The following BCAR3 variants were observed in gnomAD, a reference collection of about 807,000 sequenced individuals.
BCAR3 encodes BCAR3 adaptor protein, NSP family member.
BCAR3 carries 37 observed loss-of-function variants against 80.1 expected under a neutral mutation model. The ratio of observed to expected loss-of-function variants is 0.46; its 90% CI spans 0.36 to 0.61. The LOEUF (loss-of-function observed/expected upper bound fraction) is 0.61. Ranked by LOEUF, BCAR3 falls within the 20% of genes least tolerant of loss-of-function variation. The pLI is 0.00. For synonymous variants in BCAR3, 389 were observed against 418.9 expected, an observed-to-expected ratio of 0.93 and a Z score of 0.87; for missense variants, 978 against 1,068.2, an observed-to-expected ratio of 0.92 and a Z score of 1.18.
intron 1 of BCAR3, among the ~76,000 whole-genome samples, chr1:93,676,439 G>A (rs1648492758): frequency 6.6e-6 from 1 of 152,224 alleles, no homozygotes; most frequent in Admixed American, 6.5e-5. Flanking sequence ...TACTGAAGGT[G>A]TACAATCTTA....
chr1:93,839,297 A>G (rs1174739968), intron 2 of BCAR3, among the ~76,000 whole-genome samples: 1 of 152,228 alleles, frequency 6.6e-6, no homozygotes. Flanking sequence ...AAAAGAAAAT[A>G]AAAAGAAAAA....
chr1:93,652,883 C>G (rs774372057), intron 2 of BCAR3, among the ~76,000 whole-genome samples: 1 of 152,218 alleles, frequency 6.6e-6, no homozygotes, highest in Non-Finnish European at 1.5e-5. Flanking sequence ...CTGGTTAAAT[C>G]ATTCTTTCCA....
intron 2 of BCAR3, among the ~76,000 whole-genome samples, chr1:93,673,666 C>A (rs1185002134): frequency 6.6e-6 from 1 of 152,236 alleles, no homozygotes; most frequent in African/African-American, 2.4e-5. Context: ...AGGCCCATTA[C>A]AAACCCAGAG....
chr1:93,659,689 C>T (rs139162855), intron 2 of BCAR3, among the ~76,000 whole-genome samples: 1,539 of 152,002 alleles, frequency 0.01, 25 homozygotes, highest in African/African-American at 0.034. Flanking sequence ...AGGTCTTGCC[C>T]AACTCACCAG....
At position 93,690,968 on chromosome 1, in the gene BCAR3, A is replaced by T. The variant is rs867093364; in HGVS notation, c.-12+15124T>A. On this transcript the variant is annotated intron_variant, in intron 3 of 13. Transcript: ENST00000370244. ...AAAAAGTAGAAAATGCTAAATTAAC[A>T]CTTCTGTTTCACAGTTTTGCCTAAA... Among the ~76,000 whole-genome samples, 3 of 152,194 alleles carry T rather than the reference A, an allele frequency of 2.0e-5. No individual in the cohort carries two copies. In the South Asian group the frequency reaches 6.2e-4, roughly 32 times the overall value.
At chr1:93,570,242 G>A (rs997488750) in intron 9 of BCAR3, among the ~76,000 whole-genome samples, 14 of 152,114 alleles carry the variant, frequency 9.2e-5, no homozygotes, top group Non-Finnish European at 1.6e-4. Context: ...TCTGACTTGC[G>A]GGACATGTGA....
At chr1:93,581,165 A>G (rs1673692202) in intron 7 of BCAR3, among the ~76,000 whole-genome samples, 1 of 149,402 alleles carries the variant, frequency 6.7e-6, no homozygotes, top group Non-Finnish European at 1.5e-5. Flanking sequence ...CTGTCTCAGA[A>G]AAAAAAAAAA....
chr1:93,788,671 G>C (rs1653033636), intron 2 of BCAR3, among the ~76,000 whole-genome samples: 1 of 152,218 alleles, frequency 6.6e-6, no homozygotes, highest in Admixed American at 6.5e-5. Flanking sequence ...TTTCTGCTGA[G>C]AAATCTGCTG....
intron 3 of BCAR3, among the ~76,000 whole-genome samples, chr1:93,596,112 A>C (rs1674410365): frequency 6.6e-6 from 1 of 152,180 alleles, no homozygotes; most frequent in African/African-American, 2.4e-5. Context: ...CCTCTAATTG[A>C]TCTAAGTTCT....
chr1:93,668,196 T>C (rs1418253167), intron 2 of BCAR3, among the ~76,000 whole-genome samples: 1 of 152,320 alleles, frequency 6.6e-6, no homozygotes, highest in South Asian at 2.1e-4. Flanking sequence ...AAGGACTGCA[T>C]TGTGTAATTC....
intron 3 of BCAR3, among the ~76,000 whole-genome samples, chr1:93,627,871 T>C (rs1043123094): frequency 1.2e-4 from 19 of 152,332 alleles, no homozygotes; most frequent in Middle Eastern, 3.4e-3. Flanking sequence ...TACATAATTT[T>C]GATTGAGCCA....
intron 2 of BCAR3, among the ~76,000 whole-genome samples, chr1:93,786,514 T>G (rs1652952964): frequency 6.6e-6 from 1 of 152,154 alleles, no homozygotes; most frequent in Non-Finnish European, 1.5e-5. Flanking sequence ...AATTACAGAT[T>G]CATAATCAAA....
chr1:93,623,388 G>C (rs894339464), intron 3 of BCAR3, among the ~76,000 whole-genome samples: 3 of 152,120 alleles, frequency 2.0e-5, no homozygotes, highest in African/African-American at 7.2e-5. Context: ...ATGGATGTGT[G>C]AGCCAATCAG....
chr1:93,840,910 A>G (rs1654936243), intron 2 of BCAR3, among the ~76,000 whole-genome samples: 1 of 152,226 alleles, frequency 6.6e-6, no homozygotes, highest in African/African-American at 2.4e-5. Flanking sequence ...GTTGTGAGCT[A>G]GCCACAATGC....
intron 3 of BCAR3, among the ~76,000 whole-genome samples, chr1:93,610,848 G>A (rs752746642): frequency 2.0e-4 from 30 of 152,002 alleles, no homozygotes; most frequent in Non-Finnish European, 1.3e-4. Flanking sequence ...TCAGGAGGCT[G>A]AGACAGGAGA....
chr1:93,566,702 C>A (rs1672966604), intron 11 of BCAR3, among the ~76,000 whole-genome samples: 1 of 152,306 alleles, frequency 6.6e-6, no homozygotes, highest in Admixed American at 6.5e-5. Context: ...TTTCTAATCT[C>A]ACCTATTAGA....
intron 2 of BCAR3, among the ~76,000 whole-genome samples, chr1:93,832,452 C>T (rs544346291): frequency 1.3e-5 from 2 of 152,194 alleles, no homozygotes; most frequent in African/African-American, 4.8e-5. Context: ...CTGGCAGCCA[C>T]TCCTAGAGCT....
intron 3 of BCAR3, among the ~76,000 whole-genome samples, chr1:93,620,761 G>A (rs919022735): frequency 7.9e-5 from 12 of 152,036 alleles, no homozygotes; most frequent in African/African-American, 4.8e-5. Context: ...ATATTTCCCC[G>A]CCCTGTATTA....
intron 2 of BCAR3, among the ~76,000 whole-genome samples, chr1:93,784,149 T>C (rs1652860722): frequency 1.4e-5 from 2 of 146,482 alleles, no homozygotes; most frequent in Admixed American, 7.0e-5. Context: ...CTATATGAAG[T>C]GGTGATGAGT....
Sources: gnomAD v4.1 joint callset for allele counts (sites outside exome capture counted in the v4.1 genomes callset) on GRCh38, gnomAD v4.1.1 for gene constraint, MANE v1.5 for transcripts, NCBI Gene and HGNC (gene_info 2026-07-23, HGNC 2026-07-21) for gene names.